The following ZNF676 variants were observed in gnomAD, a reference collection of about 807,000 sequenced individuals.
ZNF676 encodes the protein zinc finger protein 676.
A neutral mutation model predicts 6.0 loss-of-function variants in ZNF676; 4 were observed. That is an observed-to-expected ratio of 0.67 (90% CI 0.33 to 1.53). The LOEUF is 1.53. Ranked by LOEUF, ZNF676 falls within the 40% of genes most tolerant of loss-of-function variation. ZNF676 has a pLI of 0.06. For missense variants in ZNF676, 644 were observed against 679.7 expected, an observed-to-expected ratio of 0.95 and a Z score of 0.58; for synonymous variants, 198 against 223.1, an observed-to-expected ratio of 0.89 and a Z score of 1.00.
At chr19:22,235,964 A>G in the ZNF676 span, among the ~76,000 whole-genome samples, 1 of 149,674 alleles carries the variant, frequency 6.7e-6, no homozygotes, top group Non-Finnish European at 1.5e-5. Context: ...GGCAGCTGCA[A>G]TTGGAGTCAT....
chr19:22,193,542 T>C (rs1197329917), intron 1 of ZNF676, among the ~76,000 whole-genome samples: 4 of 151,912 alleles, frequency 2.6e-5, no homozygotes, highest in African/African-American at 4.8e-5. Context: ...AGGTTTTGAG[T>C]CTCAAGAATT....
the ZNF676 span, among the ~76,000 whole-genome samples, chr19:22,230,294 A>G: frequency 0.032 from 4,880 of 152,262 alleles, 271 homozygotes; most frequent in African/African-American, 0.11. Flanking sequence ...TGGGAGTTGA[A>G]CAATGAGAAT....
chr19:22,246,405 G>A, the ZNF676 span, among the ~76,000 whole-genome samples: 60 of 152,010 alleles, frequency 3.9e-4, no homozygotes, highest in Non-Finnish European at 7.6e-4. Flanking sequence ...ACTTGCTCCA[G>A]GAATATGTCA....
At chr19:22,235,021 AAAGAAAGAAAG>A in the ZNF676 span, among the ~76,000 whole-genome samples, 1 of 95,806 alleles carries the variant, frequency 1.0e-5, no homozygotes, top group Non-Finnish European at 2.2e-5. Flanking sequence ...AGAAAGAAAG[AAAGAAAGAAAG>A]AAAAGAAAAG....
intron 2 of ZNF676, among the ~76,000 whole-genome samples, chr19:22,185,996 A>G (rs1373365618): frequency 6.6e-6 from 1 of 152,164 alleles, no homozygotes; most frequent in Non-Finnish European, 1.5e-5. Context: ...ACATAGCACG[A>G]CAGGCCAACA....
chr19:22,192,830 T>C (rs2023925507), intron 2 of ZNF676, among the ~76,000 whole-genome samples, 186 bp downstream of exon 2: 1 of 152,120 alleles, frequency 6.6e-6, no homozygotes, highest in African/African-American at 2.4e-5. Context: ...AGAAGAATTC[T>C]TAGAAATTTT....
At chr19:22,246,612 C>T in the ZNF676 span, among the ~76,000 whole-genome samples, 2 of 152,302 alleles carry the variant, frequency 1.3e-5, no homozygotes, top group South Asian at 4.1e-4. Flanking sequence ...AGTCACATTA[C>T]ATAGGTACTG....
chr19:22,222,627 T>A, the ZNF676 span, among the ~76,000 whole-genome samples: 6 of 151,748 alleles, frequency 4.0e-5, no homozygotes, highest in Non-Finnish European at 8.8e-5. Context: ...AGCAAAAGCC[T>A]GTTCAAGTTT....
chr19:22,228,834 C>T, the ZNF676 span, among the ~76,000 whole-genome samples: 1 of 152,064 alleles, frequency 6.6e-6, no homozygotes, highest in Non-Finnish European at 1.5e-5. Context: ...AGCTACAAAC[C>T]ACAGCTCAAT....
Position 22,180,213 on chromosome 19 carries a change from C to A in ZNF676, c.1504G>T (p.Glu502Ter). The A allele has an allele frequency of 1.2e-6, 2 of 1,613,740 alleles. No homozygotes were observed. The highest frequency in any genetic ancestry group is 1.7e-6 in the Non-Finnish European group (2 of 1,179,928). ...LTKHKIIHTGEKRYKCEECGK... is the reference protein window; with the variant it reads ...LTKHKIIHTG ...CATTCTTCACATTTGTAGCGTTTCTCTCCAGTATGAATTATCTTATGTTTA... is the reference window on the plus strand; with the variant it reads ...CATTCTTCACATTTGTAGCGTTTCTATCCAGTATGAATTATCTTATGTTTA... The change falls in exon 3 of 3, where the codon GAG (glutamate) becomes TAG (stop). Residue 502 changes from glutamate to a stop codon, truncating the protein, a stop_gained. Coordinates refer to ENST00000397121, the MANE Select transcript of ZNF676 (RefSeq NM_001001411.3). LOFTEE classifies it low-confidence loss of function (END_TRUNC).
chr19:22,212,528 A>AC (rs530151150), intron 1 of ZNF676, among the ~76,000 whole-genome samples: 73 of 151,784 alleles, frequency 4.8e-4, no homozygotes, highest in African/African-American at 1.8e-3. Flanking sequence ...AACATGGTGA[A>AC]CCCCCATCTC....
chr19:22,216,612 A>G (rs2024193417), upstream of ZNF676, among the ~76,000 whole-genome samples: 1 of 119,490 alleles, frequency 8.4e-6, no homozygotes, highest in South Asian at 2.7e-4. Context: ...TTATTTTAAT[A>G]GCCTTTTTTT....
chr19:22,181,814 C>A (rs560098859), intron 2 of ZNF676, among the ~76,000 whole-genome samples: 21 of 152,124 alleles, frequency 1.4e-4, no homozygotes, highest in Admixed American at 6.5e-4. Flanking sequence ...CTCAATTAAG[C>A]CCAATGCAAA....
chr19:22,245,678 G>A, the ZNF676 span, among the ~76,000 whole-genome samples: 48,174 of 151,848 alleles, frequency 0.32, 7,863 homozygotes, highest in South Asian at 0.41. Flanking sequence ...AATTCAAGAG[G>A]GCTCAGGGAA....
At chr19:22,187,343 C>T (rs575482263) in intron 2 of ZNF676, among the ~76,000 whole-genome samples, 2 of 152,086 alleles carry the variant, frequency 1.3e-5, no homozygotes, top group African/African-American at 4.8e-5. Flanking sequence ...ACAAAACATA[C>T]CAGAATCTCT....
chr19:22,193,076 G>GA lies in ZNF676; in HGVS notation c.69dup (p.Leu24SerfsTer14). 6.2e-7 allele frequency: 1 copy of GA among 1,608,908 alleles called. No individual in the cohort carries two copies. The highest frequency in any genetic ancestry group is 1.1e-5 in the South Asian group (1 of 90,098). ...TTCCAGGGCTCTTTTCCTTGCTCCA[G>GA]AAAAATGATCAGGTCTGGCTTAAAG... is the stretch of plus-strand genomic sequence containing the variant. On this transcript the variant is annotated frameshift_variant, in exon 2 of 3. Transcript: ENST00000397121. LOFTEE classifies it high-confidence loss of function.
chr19:22,245,279 ATGGCTCC>A, the ZNF676 span: 1 of 152,172 alleles, frequency 6.6e-6, no homozygotes, highest in Non-Finnish European at 1.5e-5. Context: ...ATGGATTACA[ATGGCTCC>A]TGGGTACAAA....
intron 1 of ZNF676, among the ~76,000 whole-genome samples, chr19:22,207,174 T>C (rs2024084983): frequency 6.6e-6 from 1 of 152,188 alleles, no homozygotes; most frequent in Admixed American, 6.5e-5. Flanking sequence ...GCAAACAACA[T>C]GATTCTACAT....
the ZNF676 span, among the ~76,000 whole-genome samples, chr19:22,254,434 G>C: frequency 2.1e-4 from 32 of 152,304 alleles, no homozygotes; most frequent in African/African-American, 7.7e-4. Flanking sequence ...GCAGGGCACA[G>C]GCAGGAGCCT....
Sources: allele counts gnomAD v4.1 joint callset (sites outside exome capture counted in the v4.1 genomes callset), GRCh38; gene constraint gnomAD v4.1.1; transcripts MANE v1.5; gene names NCBI Gene and HGNC (gene_info 2026-07-23, HGNC 2026-07-21).